ATG7: variants seen among roughly 807,000 people sequenced by gnomAD.
The protein encoded by ATG7 is ubiquitin-like modifier-activating enzyme ATG7.
Under a neutral mutation model 82.4 loss-of-function variants are expected in ATG7, and 70 were observed. The ratio of observed to expected loss-of-function variants is 0.85; its 90% confidence interval spans 0.70 to 1.04. The LOEUF (loss-of-function observed/expected upper bound fraction) is 1.04, where lower values mean the gene tolerates loss of function less well. ATG7 is among the 50% of genes least tolerant of loss of function. ATG7 has a pLI of 0.00. For missense variants in ATG7, 792 were observed against 864.3 expected, an observed-to-expected ratio of 0.92 and a Z score of 1.05; for synonymous variants, 287 against 313.0, an observed-to-expected ratio of 0.92 and a Z score of 0.88.
intron 19 of ATG7, among the ~76,000 whole-genome samples, chr3:11,383,727 C>G (rs67825010): frequency 6.6e-6 from 1 of 152,144 alleles, no homozygotes; most frequent in African/African-American, 2.4e-5. Flanking sequence ...AGATTACAGG[C>G]GTGAGCCACC....
At chr3:11,454,761 G>A (rs1369020360) in intron 20 of ATG7, among the ~76,000 whole-genome samples, 1 of 152,206 alleles carries the variant, frequency 6.6e-6, no homozygotes, top group Non-Finnish European at 1.5e-5. Context: ...AGGAAGCTCA[G>A]TGTGTGTTTA....
intron 20 of ATG7, among the ~76,000 whole-genome samples, chr3:11,510,917 A>T (rs2092019109): frequency 6.6e-6 from 1 of 152,106 alleles, no homozygotes; most frequent in African/African-American, 2.4e-5. Context: ...TGACTTCAAG[A>T]ATGAAGCCGC....
intron 3 of ATG7, among the ~76,000 whole-genome samples, chr3:11,289,950 G>A (rs548696826): frequency 1.2e-4 from 18 of 152,182 alleles, no homozygotes; most frequent in African/African-American, 3.4e-4. Context: ...CCCTTTGGTC[G>A]CACATCTTCC....
intron 20 of ATG7, among the ~76,000 whole-genome samples, chr3:11,509,635 G>GT (rs1559775650): frequency 1.3e-5 from 2 of 151,566 alleles, no homozygotes; most frequent in African/African-American, 2.4e-5. Flanking sequence ...GGTGTGGTTG[G>GT]TTTTTTTTGG....
At chr3:11,491,341 C>A (rs998002498) in intron 20 of ATG7, among the ~76,000 whole-genome samples, 2 of 152,150 alleles carry the variant, frequency 1.3e-5, no homozygotes, top group Non-Finnish European at 1.5e-5. Context: ...TTAAGCACTT[C>A]TCTGTATTGG....
intron 7 of ATG7, among the ~76,000 whole-genome samples, chr3:11,309,676 G>A (rs1015170270): frequency 1.3e-5 from 2 of 152,094 alleles, no homozygotes; most frequent in East Asian, 1.9e-4. Context: ...ATGCATGCGC[G>A]TGTGTGCGTA....
At chr3:11,497,357 CTATATA>C (rs58838386) in intron 20 of ATG7, among the ~76,000 whole-genome samples, 686 of 57,304 alleles carry the variant, frequency 0.012, 20 homozygotes, top group African/African-American at 0.04. Flanking sequence ...ACTAAAAATA[CTATATA>C]TATATATATA....
At chr3:11,297,531 G>A (rs1360999506) in intron 3 of ATG7, among the ~76,000 whole-genome samples, 3 of 152,126 alleles carry the variant, frequency 2.0e-5, no homozygotes, top group Admixed American at 2.0e-4. Flanking sequence ...ACCCCGGAGA[G>A]TATGGAGGGA....
chr3:11,510,395 AAAT>A, intron 20 of ATG7: 1 of 407,620 alleles, frequency 2.5e-6, no homozygotes, highest in African/African-American at 2.1e-5. Flanking sequence ...AAAAAAAAAA[AAAT>A]CTGAGTTACT....
intron 19 of ATG7, among the ~76,000 whole-genome samples, chr3:11,423,735 C>G (rs1052224739): frequency 2.6e-5 from 4 of 152,086 alleles, no homozygotes; most frequent in Non-Finnish European, 5.9e-5. Context: ...GACTTGCAGT[C>G]TCTCTGATCC....
intron 14 of ATG7, 114 bp downstream of exon 14, chr3:11,348,149 G>A (rs1407568280): frequency 7.2e-7 from 1 of 1,390,598 alleles, no homozygotes; most frequent in South Asian, 1.4e-5. Flanking sequence ...CTTTCTACCA[G>A]CCACTCGCTA....
Position 11,347,971 on chromosome 3 carries a change from T to C in ATG7, c.1220T>C (p.Leu407Pro). The change falls in exon 14 of 21, where the codon CTA becomes CCA. Residue 407 changes from leucine to proline, a missense_variant. Coordinates refer to ENST00000693202, the MANE Select transcript of ATG7 (RefSeq NM_001349232.2). ...CCTCTCTATGAGTTTGAAGATTGCCTAGGGGGTGGTAAGCCCAAGGCTCTG... is the reference window on the plus strand; with the variant it reads ...CCTCTCTATGAGTTTGAAGATTGCCCAGGGGGTGGTAAGCCCAAGGCTCTG... ...RQPLYEFEDC[L>P]GGGKPKALAA... The C allele has an allele frequency of 1.2e-6, 2 of 1,614,130 alleles. No individual in the cohort carries two copies. The highest frequency in any genetic ancestry group is 2.2e-5 in the East Asian group (1 of 44,886).
intron 19 of ATG7, among the ~76,000 whole-genome samples, chr3:11,419,988 C>T (rs1290730790): frequency 1.3e-5 from 2 of 152,228 alleles, no homozygotes; most frequent in Non-Finnish European, 2.9e-5. Flanking sequence ...GTATACCCTT[C>T]TCAGGACTAT....
chr3:11,551,775 G>A (rs1463006631), intron 20 of ATG7, among the ~76,000 whole-genome samples: 1 of 150,940 alleles, frequency 6.6e-6, no homozygotes, highest in Non-Finnish European at 1.5e-5. Context: ...TCGAGGCAGG[G>A]TCTCACCCTG....
chr3:11,343,467 G>C (rs1034464657), intron 13 of ATG7, among the ~76,000 whole-genome samples: 2 of 151,994 alleles, frequency 1.3e-5, no homozygotes, highest in African/African-American at 4.8e-5. Context: ...TATTGATTTA[G>C]AGTTCTTTTT....
At chr3:11,446,046 A>G (rs2084519623) in intron 20 of ATG7, among the ~76,000 whole-genome samples, 1 of 152,016 alleles carries the variant, frequency 6.6e-6, no homozygotes, top group South Asian at 2.1e-4. Context: ...CTTGAAAAGT[A>G]TGATGGAGCC....
intron 20 of ATG7, among the ~76,000 whole-genome samples, chr3:11,489,092 G>A (rs553428088): frequency 1.3e-3 from 199 of 152,266 alleles, no homozygotes; most frequent in Middle Eastern, 6.8e-3. Context: ...CCTGTTATTG[G>A]TCTATTCAGA....
chr3:11,547,294 T>C (rs2071379347), intron 20 of ATG7, among the ~76,000 whole-genome samples: 1 of 152,174 alleles, frequency 6.6e-6, no homozygotes, highest in Non-Finnish European at 1.5e-5. Context: ...GGGGCAAACA[T>C]GTGACACCAT....
intron 1 of ATG7, among the ~76,000 whole-genome samples, chr3:11,278,805 C>T (rs768132905): frequency 6.6e-6 from 1 of 152,204 alleles, no homozygotes; most frequent in Non-Finnish European, 1.5e-5. Context: ...AGGATAACTG[C>T]ATACGTGCTA....
Sources: gnomAD v4.1 joint callset for allele counts (sites outside exome capture counted in the v4.1 genomes callset) on GRCh38, gnomAD v4.1.1 for gene constraint, MANE v1.5 for transcripts, NCBI Gene and HGNC (gene_info 2026-07-23, HGNC 2026-07-21) for gene names.